The following NF1 variants were observed in gnomAD, a reference collection of about 807,000 sequenced individuals.
NF1 encodes the protein neurofibromin.
Under a neutral mutation model 325.7 loss-of-function variants are expected in NF1, and 122 were observed. That is an observed-to-expected ratio of 0.37 (90% CI 0.32 to 0.44). The LOEUF is 0.44. Among genes scored for constraint, NF1 ranks in the 20% least tolerant of loss-of-function variants. NF1 has a pLI of 1.00. For missense variants in NF1, 2,140 were observed against 3,415.4 expected (o/e 0.63, Z 9.31); for synonymous variants, 1,091 against 1,186.0 (o/e 0.92, Z 1.65).
At chr17:31,169,732 G>A (rs1361201481) in intron 4 of NF1, among the ~76,000 whole-genome samples, 159 bp from the exon 5 acceptor site, 1 of 151,934 alleles carries the variant, frequency 6.6e-6, no homozygotes, top group Admixed American at 6.6e-5. Context: ...TTTTTTTAGA[G>A]ATGATGTCTT....
chr17:31,280,416 C>A (rs2068094216), intron 36 of NF1, among the ~76,000 whole-genome samples: 2 of 147,448 alleles, frequency 1.4e-5, no homozygotes, highest in Non-Finnish European at 3.0e-5. Flanking sequence ...ACTCAGGAGG[C>A]TGGGGCAGGA....
chr17:31,268,921 G>A (rs181272976), intron 36 of NF1, among the ~76,000 whole-genome samples: 25 of 151,762 alleles, frequency 1.6e-4, no homozygotes, highest in East Asian at 7.8e-4. Flanking sequence ...GCGCAGGCTG[G>A]GCTTGAACTC....
rs2066133264 is a variant in NF1, at chr17:31,181,508, G to T, written c.654+19G>T. The T allele has an allele frequency of 6.2e-7, 1 of 1,611,274 alleles. No individual in the cohort carries two copies. The highest frequency in any genetic ancestry group is 8.5e-7 in the Non-Finnish European group (1 of 1,177,790). Reference sequence around the variant, plus strand: ...GGAAAAGGTAAGTTACAACCTCTCTGGTATTAAAATTTTGTTTTTGATGTA... The same window carrying T: ...GGAAAAGGTAAGTTACAACCTCTCTTGTATTAAAATTTTGTTTTTGATGTA... On this transcript the variant is annotated intron_variant, in intron 6 of 57. Transcript: ENST00000358273.
intron 35 of NF1, among the ~76,000 whole-genome samples, chr17:31,263,314 C>T (rs1298090466): frequency 2.0e-5 from 3 of 151,964 alleles, no homozygotes; most frequent in Admixed American, 6.6e-5. Flanking sequence ...ATGGTACGCA[C>T]CTGTGGTCCC....
intron 25 of NF1, 111 bp downstream of exon 25, chr17:31,232,300 G>A: frequency 1.4e-6 from 1 of 734,532 alleles, no homozygotes; most frequent in Non-Finnish European, 2.4e-6. Flanking sequence ...GAAAATAACT[G>A]TGTTTTGTGA....
At chr17:31,332,101 T>A (rs1479448724) in intron 39 of NF1, among the ~76,000 whole-genome samples, 1 of 151,764 alleles carries the variant, frequency 6.6e-6, no homozygotes, top group African/African-American at 2.4e-5. Flanking sequence ...ACATAGCTAC[T>A]CAAAAATAAA....
intron 57 of NF1, 91 bp from the exon 58 acceptor site, chr17:31,373,922 T>C: frequency 6.6e-7 from 1 of 1,510,176 alleles, no homozygotes; most frequent in Non-Finnish European, 9.2e-7. Context: ...TTTCCTAGAA[T>C]GTGTCCCCGT....
chr17:31,300,700 A>G (rs1436623514), intron 36 of NF1, among the ~76,000 whole-genome samples: 2 of 152,112 alleles, frequency 1.3e-5, no homozygotes, highest in African/African-American at 4.8e-5. Flanking sequence ...GGGTAAATGC[A>G]TTTGGAATTT....
At chr17:31,120,786 T>TAA (rs57465655) in intron 1 of NF1, among the ~76,000 whole-genome samples, 19 of 143,222 alleles carry the variant, frequency 1.3e-4, no homozygotes, top group African/African-American at 4.5e-4. Context: ...TTAAAGTATT[T>TAA]AAAAAAAAAA....
chr17:31,098,772 A>AAAT (rs1912017680), intron 1 of NF1, among the ~76,000 whole-genome samples: 1 of 151,862 alleles, frequency 6.6e-6, no homozygotes, highest in African/African-American at 2.4e-5. Context: ...TCTCTACTAA[A>AAAT]AATACAAAAA....
chr17:31,344,584 G>A (rs777056091), intron 48 of NF1, among the ~76,000 whole-genome samples: 1 of 152,212 alleles, frequency 6.6e-6, no homozygotes, highest in Non-Finnish European at 1.5e-5. Flanking sequence ...ATGAGAGAGA[G>A]AGAGATATGC....
intron 5 of NF1, among the ~76,000 whole-genome samples, chr17:31,178,125 C>A (rs960907692): frequency 6.6e-6 from 1 of 152,114 alleles, no homozygotes; most frequent in Non-Finnish European, 1.5e-5. Flanking sequence ...AGAGAAAGGT[C>A]GGGTTACCCA....
intron 27 of NF1, 150 bp downstream of exon 27, chr17:31,233,363 G>A: frequency 2.5e-6 from 2 of 815,362 alleles, no homozygotes; most frequent in Non-Finnish European, 4.1e-6. Flanking sequence ...TCAGCTGTAG[G>A]GAAGTGGTTG....
chr17:31,276,241 A>G (rs944881477), intron 36 of NF1, among the ~76,000 whole-genome samples: 6 of 151,424 alleles, frequency 4.0e-5, no homozygotes, highest in African/African-American at 1.5e-4. Flanking sequence ...AAGGGGCACA[A>G]TAAGTATTGG....
intron 45 of NF1, 99 bp downstream of exon 45, chr17:31,338,238 G>C: frequency 1.2e-6 from 1 of 857,600 alleles, no homozygotes; most frequent in Non-Finnish European, 2.0e-6. Flanking sequence ...TGAGGTCAAT[G>C]AAATATCTTA....
chr17:31,160,095 T>A (rs2065736574), intron 3 of NF1, among the ~76,000 whole-genome samples: 1 of 152,124 alleles, frequency 6.6e-6, no homozygotes, highest in African/African-American at 2.4e-5. Flanking sequence ...GTATATATAT[T>A]TTTCTTTTGA....
chr17:31,222,639 G>A, intron 15 of NF1: 1 of 572,616 alleles, frequency 1.7e-6, no homozygotes, highest in Non-Finnish European at 2.3e-6. Flanking sequence ...AAAGAAGCAG[G>A]TAAAATTAAT....
chr17:31,334,470 G>A (rs1425743221), intron 39 of NF1, among the ~76,000 whole-genome samples: 1 of 152,152 alleles, frequency 6.6e-6, no homozygotes, highest in African/African-American at 2.4e-5. Flanking sequence ...GGAGAGATGA[G>A]ATGATACACC....
intron 9 of NF1, among the ~76,000 whole-genome samples, 175 bp downstream of exon 9, chr17:31,200,770 T>C (rs1045345121): frequency 6.6e-6 from 1 of 152,232 alleles, no homozygotes; most frequent in African/African-American, 2.4e-5. Flanking sequence ...ACTGAGAATA[T>C]GAAGAAAACA....
Sources: allele counts gnomAD v4.1 joint callset (sites outside exome capture counted in the v4.1 genomes callset), GRCh38; gene constraint gnomAD v4.1.1; transcripts MANE v1.5; gene names NCBI Gene and HGNC (gene_info 2026-07-23, HGNC 2026-07-21).